The following VDAC1 variants were observed in gnomAD, a reference collection of about 807,000 sequenced individuals.
VDAC1 encodes voltage dependent anion channel 1.
A neutral mutation model predicts 34.7 loss-of-function variants in VDAC1; 10 were observed. The ratio of observed to expected loss-of-function variants is 0.29; its 90% CI spans 0.18 to 0.49. The LOEUF is 0.49. VDAC1 is among the 20% of genes least tolerant of loss of function. The probability of loss-of-function intolerance (pLI) is 0.99; values close to 1 mark genes in which losing one functional copy is unlikely to be tolerated. For missense variants in VDAC1, 230 were observed against 347.9 expected (o/e 0.66, Z 2.69); for synonymous variants, 130 against 136.0 (o/e 0.96, Z 0.30).
the VDAC1 span, among the ~76,000 whole-genome samples, chr5:134,094,887 A>G: frequency 6.6e-6 from 1 of 152,166 alleles, no homozygotes; most frequent in Non-Finnish European, 1.5e-5. Flanking sequence ...TCCTGCCCAG[A>G]CTGCAAAGGC....
the VDAC1 span, among the ~76,000 whole-genome samples, chr5:134,029,602 T>C: frequency 2.0e-5 from 3 of 152,252 alleles, no homozygotes; most frequent in Non-Finnish European, 4.4e-5. Flanking sequence ...ATGTGGCTGA[T>C]ATGACTGAGG....
At chr5:134,010,338 C>T in the VDAC1 span, among the ~76,000 whole-genome samples, 1 of 152,104 alleles carries the variant, frequency 6.6e-6, no homozygotes, top group African/African-American at 2.4e-5. Context: ...TGGCTCACAC[C>T]TGTAATCCCA....
intron 5 of VDAC1, among the ~76,000 whole-genome samples, chr5:133,985,401 C>T (rs185180962): frequency 6.6e-6 from 1 of 152,302 alleles, no homozygotes; most frequent in Non-Finnish European, 1.5e-5. Flanking sequence ...GTGGCTCACA[C>T]CTGTAATCCC....
At chr5:134,040,574 C>CAA in the VDAC1 span, among the ~76,000 whole-genome samples, 2 of 132,948 alleles carry the variant, frequency 1.5e-5, no homozygotes, top group East Asian at 2.1e-4. Flanking sequence ...GACTCCGTCT[C>CAA]AAAAAAAAAA....
the VDAC1 span, among the ~76,000 whole-genome samples, chr5:134,068,127 T>A: frequency 6.6e-6 from 1 of 151,718 alleles, no homozygotes; most frequent in African/African-American, 2.4e-5. Flanking sequence ...CAAAAAAAAA[T>A]ACAAAACAAA....
At chr5:134,065,638 G>A in the VDAC1 span, among the ~76,000 whole-genome samples, 1 of 151,868 alleles carries the variant, frequency 6.6e-6, no homozygotes, top group Non-Finnish European at 1.5e-5. Flanking sequence ...ACTGTGCCCT[G>A]CCTCTTTGGT....
At chr5:134,081,446 T>C in the VDAC1 span, among the ~76,000 whole-genome samples, 793 of 152,338 alleles carry the variant, frequency 5.2e-3, 3 homozygotes, top group Non-Finnish European at 7.4e-3. Context: ...CCCAAAGTAC[T>C]GGGATTACAA....
the VDAC1 span, among the ~76,000 whole-genome samples, chr5:134,034,969 T>C: frequency 2.0e-5 from 3 of 152,006 alleles, no homozygotes; most frequent in Non-Finnish European, 2.9e-5. Context: ...TAGAAATGGA[T>C]ATAGATGTGC....
the VDAC1 span, among the ~76,000 whole-genome samples, chr5:134,044,388 G>A: frequency 7.9e-5 from 12 of 152,288 alleles, no homozygotes; most frequent in East Asian, 5.8e-4. Context: ...TGGGAGATCC[G>A]CCCCATCCTT....
At chr5:133,976,157 A>G in intron 6 of VDAC1, 136 bp from the exon 7 acceptor site, 1 of 1,057,954 alleles carries the variant, frequency 9.5e-7, no homozygotes, top group Non-Finnish European at 1.4e-6. Flanking sequence ...GGAAGTCAGA[A>G]GTTCACCAAA....
At chr5:133,986,555 C>T (rs1159156277) in intron 5 of VDAC1, among the ~76,000 whole-genome samples, 1 of 152,088 alleles carries the variant, frequency 6.6e-6, no homozygotes, top group Non-Finnish European at 1.5e-5. Context: ...CGCCACCACA[C>T]CCAGCTAATT....
the VDAC1 span, among the ~76,000 whole-genome samples, chr5:134,042,608 C>G: frequency 1.3e-5 from 2 of 152,306 alleles, 1 homozygote; most frequent in Middle Eastern, 6.8e-3. Context: ...ATTCTCCTGC[C>G]TCGGCCTCCA....
chr5:134,082,681 A>G, the VDAC1 span, among the ~76,000 whole-genome samples: 1 of 152,354 alleles, frequency 6.6e-6, no homozygotes, highest in African/African-American at 2.4e-5. Flanking sequence ...CATATCAGCA[A>G]TATAACTGCT....
the VDAC1 span, among the ~76,000 whole-genome samples, chr5:134,059,830 T>G: frequency 6.6e-6 from 1 of 151,968 alleles, no homozygotes; most frequent in South Asian, 2.1e-4. Flanking sequence ...TGTTTGGGTT[T>G]CTTTGTTATA....
rs776407786 is a variant in VDAC1, at chr5:133,992,952, C to T, written c.61G>A (p.Gly21Ser). ...CCCTCTCTGCAACACTCACCATAGC[C>T]CTTGGTGAAGACATCCCTGGCAGAT... ...GKSARDVFTK[G>S]YGFGLIKLDL... Residue 21 changes from glycine to serine, a missense_variant, in exon 2 of 9, where the codon GGC becomes AGC. Transcript: ENST00000265333. 3.1e-6 allele frequency: 5 copies of T among 1,613,630 alleles called. No homozygotes were observed. Among genetic ancestry groups the T allele is most frequent in the African/African-American group, 1.3e-5 (1 of 75,026 alleles).
intron 1 of VDAC1, 138 bp downstream of exon 1, chr5:134,004,757 G>GGCGGC (rs1366891416): frequency 6.7e-6 from 1 of 149,770 alleles, no homozygotes; most frequent in African/African-American, 2.4e-5. Context: ...CCAAGGGCGG[G>GGCGGC]GCGGCGCGGA....
the VDAC1 span, among the ~76,000 whole-genome samples, chr5:134,011,569 T>C: frequency 1.3e-5 from 2 of 152,080 alleles, no homozygotes; most frequent in East Asian, 3.8e-4. Context: ...GTTACGGATC[T>C]TGACATGGGG....
chr5:134,047,851 C>T, the VDAC1 span, among the ~76,000 whole-genome samples: 1 of 152,082 alleles, frequency 6.6e-6, no homozygotes, highest in East Asian at 1.9e-4. Flanking sequence ...CACCACAGTG[C>T]CCTGCTTTTC....
rs537730784 is a variant in VDAC1 at position 133,986,404 on chromosome 5, G to GT, written c.323+4450dup. Among the ~76,000 whole-genome samples the GT allele has an allele frequency of 3.6e-3, 533 of 147,474 alleles. 1 individual carries two copies. Among genetic ancestry groups the GT allele is most frequent in the African/African-American group, 0.011 (458 of 40,244 alleles). On this transcript the variant is annotated intron_variant, in intron 5 of 8. Coordinates refer to ENST00000265333, the MANE Select transcript of VDAC1 (RefSeq NM_003374.3). Reference sequence around the variant, plus strand: ...ATCTAGCACCCAGAATTTTAGTTTTGTTTTTTTTTTGAGATGGAGTCTTGC... The same window carrying GT: ...ATCTAGCACCCAGAATTTTAGTTTTGTTTTTTTTTTTGAGATGGAGTCTTGC...
Sources: allele counts gnomAD v4.1 joint callset (sites outside exome capture counted in the v4.1 genomes callset), GRCh38; gene constraint gnomAD v4.1.1; transcripts MANE v1.5; gene names NCBI Gene and HGNC (gene_info 2026-07-23, HGNC 2026-07-21).